NALCN: variants seen among roughly 807,000 people sequenced by gnomAD.
NALCN encodes the protein sodium leak channel NALCN.
In NALCN, 111 loss-of-function variants were observed where a neutral mutation model predicts 225.3. That is an observed-to-expected ratio of 0.49 (90% CI 0.42 to 0.58). The LOEUF is 0.58. Ranked by LOEUF, NALCN falls within the 20% of genes least tolerant of loss-of-function variation. NALCN has a pLI of 0.00. For synonymous variants in NALCN, 764 were observed against 769.0 expected (o/e 0.99, Z 0.11); for missense variants, 1,378 against 2,202.4 (o/e 0.63, Z 7.49).
intron 6 of NALCN, among the ~76,000 whole-genome samples, chr13:101,366,715 G>A (rs2046386085): frequency 1.3e-5 from 2 of 152,108 alleles, no homozygotes; most frequent in Admixed American, 1.3e-4. Context: ...ATGTATACAA[G>A]ACATAATGGT....
At chr13:101,187,887 A>G (rs1158439400) in intron 14 of NALCN, among the ~76,000 whole-genome samples, 1 of 152,194 alleles carries the variant, frequency 6.6e-6, no homozygotes, top group East Asian at 1.9e-4. Context: ...AATACTGAGG[A>G]TATTCTGTGG....
intron 13 of NALCN, among the ~76,000 whole-genome samples, chr13:101,197,131 T>C (rs2076356401): frequency 6.6e-6 from 1 of 152,184 alleles, no homozygotes; most frequent in Admixed American, 6.5e-5. Flanking sequence ...TTCTTATCAC[T>C]TTCCAGGGCT....
chr13:101,114,217 A>C (rs2035586874), intron 18 of NALCN, among the ~76,000 whole-genome samples: 1 of 152,140 alleles, frequency 6.6e-6, no homozygotes, highest in African/African-American at 2.4e-5. Context: ...TGCTTTCTCT[A>C]AGCCTCCATT....
intron 15 of NALCN, among the ~76,000 whole-genome samples, chr13:101,160,523 C>T (rs976495706): frequency 6.6e-6 from 1 of 152,184 alleles, no homozygotes; most frequent in African/African-American, 2.4e-5. Context: ...GCTGGATTAT[C>T]TCAGCTCCTC....
chr13:101,081,364 A>T (rs1247479556), intron 34 of NALCN, among the ~76,000 whole-genome samples, 163 bp downstream of exon 34: 1 of 152,118 alleles, frequency 6.6e-6, no homozygotes, highest in African/African-American at 2.4e-5. Context: ...TGTAGACACA[A>T]GCATGTCTGA....
At chr13:101,198,254 C>A (rs1221638730) in intron 13 of NALCN, among the ~76,000 whole-genome samples, 1 of 152,120 alleles carries the variant, frequency 6.6e-6, no homozygotes, top group Non-Finnish European at 1.5e-5. Context: ...GTCTAAAACA[C>A]CAAAAGGAAT....
chr13:101,262,819 C>T (rs2042474575), intron 10 of NALCN, among the ~76,000 whole-genome samples: 1 of 152,052 alleles, frequency 6.6e-6, no homozygotes, highest in Non-Finnish European at 1.5e-5. Context: ...ACTGTGGCCC[C>T]AGGGGAGTTA....
At chr13:101,390,587 A>C (rs1222336353) in intron 3 of NALCN, among the ~76,000 whole-genome samples, 1 of 152,108 alleles carries the variant, frequency 6.6e-6, no homozygotes, top group Non-Finnish European at 1.5e-5. Context: ...GATAACATAC[A>C]TTCTCATAGA....
At chr13:101,200,658 C>T (rs184306855) in intron 13 of NALCN, among the ~76,000 whole-genome samples, 1 of 152,234 alleles carries the variant, frequency 6.6e-6, no homozygotes, top group East Asian at 1.9e-4. Context: ...AGGACCCATG[C>T]CATAGGGTCA....
chr13:101,271,689 T>G (rs2042782438), intron 10 of NALCN, among the ~76,000 whole-genome samples: 1 of 152,012 alleles, frequency 6.6e-6, no homozygotes, highest in Non-Finnish European at 1.5e-5. Context: ...TTTGTGCATG[T>G]GTGTGTGCAT....
intron 18 of NALCN, among the ~76,000 whole-genome samples, chr13:101,115,671 G>A (rs1474039910): frequency 6.6e-6 from 1 of 152,102 alleles, no homozygotes; most frequent in African/African-American, 2.4e-5. Context: ...GGACAAAGGA[G>A]GTGCATTTTC....
In NALCN at chr13:101,079,684, A is replaced by G. The variant is rs117882263; in HGVS notation, c.3885+1843T>C. On this transcript the variant is annotated intron_variant, in intron 34 of 43. Coordinates refer to ENST00000251127, the MANE Select transcript of NALCN (RefSeq NM_052867.4). ...TATAAGGTTCACAAGAGCAGCAACTATATTTGTTTTGCTTATTACATTCTT... is the reference window on the plus strand; with the variant it reads ...TATAAGGTTCACAAGAGCAGCAACTGTATTTGTTTTGCTTATTACATTCTT... 8.5e-5 allele frequency among the ~76,000 whole-genome samples: 13 copies of G among 152,330 alleles called. No individual in the cohort carries two copies. In the East Asian group the frequency reaches 1.5e-3, roughly 18 times the overall value.
intron 14 of NALCN, among the ~76,000 whole-genome samples, chr13:101,191,027 C>T (rs1395079708): frequency 6.6e-6 from 1 of 152,256 alleles, no homozygotes; most frequent in South Asian, 2.1e-4. Context: ...ACTGGGAATA[C>T]TATCTAATCG....
intron 6 of NALCN, among the ~76,000 whole-genome samples, chr13:101,359,651 C>G (rs1458688707): frequency 6.6e-6 from 1 of 152,226 alleles, no homozygotes; most frequent in Non-Finnish European, 1.5e-5. Context: ...CACATTTAAT[C>G]TGGCAGCTGC....
chr13:101,218,010 C>T (rs1229107684), intron 13 of NALCN, among the ~76,000 whole-genome samples: 1 of 152,158 alleles, frequency 6.6e-6, no homozygotes, highest in South Asian at 2.1e-4. Flanking sequence ...GTTGTCTTCA[C>T]AACATCTACT....
Position 101,089,096 on chromosome 13 carries a change from C to A in NALCN, c.3489+567G>T, listed in dbSNP as rs2034082326. ...TATTTTTAGTAGAGACAGGGTTTCA[C>A]TATGTTGGCCAGGCTGGTCTTGAAC... is the stretch of plus-strand genomic sequence containing the variant. On this transcript the variant is annotated intron_variant, in intron 30 of 43. Transcript: ENST00000251127. This position sits in a 1 kb window ranked among gnomAD's most constrained non-coding sequence, Gnocchi z 4.7. 6.6e-6 allele frequency among the ~76,000 whole-genome samples: 1 copy of A among 152,002 alleles called. No individual in the cohort carries two copies. Among genetic ancestry groups the A allele is most frequent in the Non-Finnish European group, 1.5e-5 (1 of 67,986 alleles).
intron 32 of NALCN, 60 bp downstream of exon 32, chr13:101,083,032 T>A: frequency 1.3e-6 from 2 of 1,568,700 alleles, no homozygotes; most frequent in Non-Finnish European, 1.8e-6. Flanking sequence ...CTTGTGATAC[T>A]CTCGGATGTA....
chr13:101,314,328 G>C (rs1281412120), intron 7 of NALCN, among the ~76,000 whole-genome samples: 1 of 151,620 alleles, frequency 6.6e-6, no homozygotes, highest in Non-Finnish European at 1.5e-5. Flanking sequence ...ATAAAAAAAT[G>C]TATATAGGGA....
chr13:101,175,111 T>G (rs2038904451), intron 15 of NALCN, among the ~76,000 whole-genome samples: 1 of 152,180 alleles, frequency 6.6e-6, no homozygotes, highest in Non-Finnish European at 1.5e-5. Flanking sequence ...TGCCACAGAG[T>G]GAAAAGACGG....
Sources: allele counts gnomAD v4.1 joint callset (sites outside exome capture counted in the v4.1 genomes callset), GRCh38; gene constraint gnomAD v4.1.1; non-coding constraint Gnocchi (gnomAD v3.1); transcripts MANE v1.5; gene names NCBI Gene and HGNC (gene_info 2026-07-23, HGNC 2026-07-21).